Variants in NDST4 observed in about 807,000 individuals in gnomAD.
NDST4 encodes N-deacetylase and N-sulfotransferase 4, also known as N-heparan sulfate sulfotransferase 4.
NDST4 carries 63 observed loss-of-function variants against 100.8 expected under a neutral mutation model. That is an observed-to-expected ratio of 0.62 (90% confidence interval 0.51 to 0.77). The LOEUF is 0.77. Among genes scored for constraint, NDST4 ranks in the 30% least tolerant of loss-of-function variants. The pLI is 0.00. For missense variants in NDST4, 943 were observed against 1,018.4 expected (o/e 0.93, Z 1.01); for synonymous variants, 377 against 361.8 (o/e 1.04, Z -0.48).
intron 1 of NDST4, among the ~76,000 whole-genome samples, chr4:115,095,777 T>A (rs1312106439): frequency 6.6e-6 from 1 of 152,160 alleles, no homozygotes; most frequent in Non-Finnish European, 1.5e-5. Context: ...TCCTCTTAAA[T>A]GTTTCTTCTT....
At chr4:115,005,176 C>T (rs1004916172) in intron 2 of NDST4, among the ~76,000 whole-genome samples, 1 of 152,072 alleles carries the variant, frequency 6.6e-6, no homozygotes, top group Non-Finnish European at 1.5e-5. Flanking sequence ...TGAGTGTTCA[C>T]TTTTTTCCAG....
chr4:115,102,762 T>G (rs13112177), intron 1 of NDST4, among the ~76,000 whole-genome samples: 144,331 of 144,336 alleles, frequency 1, 72,163 homozygotes, highest in Middle Eastern at 1. Flanking sequence ...AGGCTGGAGT[T>G]CAATGGTGCG....
intron 1 of NDST4, among the ~76,000 whole-genome samples, chr4:115,107,624 T>C (rs1729857293): frequency 6.6e-6 from 1 of 152,242 alleles, no homozygotes. Flanking sequence ...CCACCTTGAC[T>C]TATCTTTATA....
At chr4:114,919,187 G>A (rs1222282925) in intron 6 of NDST4, among the ~76,000 whole-genome samples, 1 of 152,034 alleles carries the variant, frequency 6.6e-6, no homozygotes, top group Admixed American at 6.6e-5. Context: ...CTATGCCATC[G>A]GTCTCTTCCC....
At chr4:115,060,923 A>G (rs1332355240) in intron 2 of NDST4, among the ~76,000 whole-genome samples, 1 of 152,010 alleles carries the variant, frequency 6.6e-6, no homozygotes, top group Non-Finnish European at 1.5e-5. Context: ...ATATTTGGGT[A>G]CGTTGAAATA....
At chr4:114,935,483 GT>G in intron 5 of NDST4, 149 bp from the exon 6 acceptor site, 1 of 635,806 alleles carries the variant, frequency 1.6e-6, no homozygotes, top group South Asian at 3.8e-5. Context: ...ACAAGTTGAT[GT>G]TGGTGCAATT....
At chr4:114,937,547 T>G (rs1366476135) in intron 4 of NDST4, 44 bp from the exon 5 acceptor site, 1 of 1,439,370 alleles carries the variant, frequency 6.9e-7, no homozygotes, top group African/African-American at 1.4e-5. Flanking sequence ...CAAGGCCAAT[T>G]AATTCAGTGA....
chr4:115,061,875 A>G (rs1455819446), intron 2 of NDST4, among the ~76,000 whole-genome samples: 1 of 152,086 alleles, frequency 6.6e-6, no homozygotes, highest in Non-Finnish European at 1.5e-5. Flanking sequence ...TGAAATTGTA[A>G]TCTTTAAATA....
chr4:114,963,150 A>T (rs1726301166), intron 4 of NDST4, among the ~76,000 whole-genome samples: 1 of 152,182 alleles, frequency 6.6e-6, no homozygotes, highest in South Asian at 2.1e-4. Context: ...AAGTGGAAAC[A>T]ACCCCAAAAC....
intron 1 of NDST4, among the ~76,000 whole-genome samples, chr4:115,085,194 C>T (rs1439649189): frequency 1.3e-5 from 2 of 152,130 alleles, no homozygotes; most frequent in African/African-American, 2.4e-5. Context: ...GGGCCTGTAG[C>T]CTCTATGTTT....
chr4:114,871,101 T>C (rs1239598971), intron 6 of NDST4, 151 bp from the exon 7 acceptor site: 1 of 531,166 alleles, frequency 1.9e-6, no homozygotes, highest in African/African-American at 2.0e-5. Context: ...TTAATTTTCA[T>C]CTCAAAATAA....
intron 6 of NDST4, among the ~76,000 whole-genome samples, chr4:114,902,878 T>G (rs961103326): frequency 6.6e-6 from 1 of 152,078 alleles, no homozygotes; most frequent in Non-Finnish European, 1.5e-5. Flanking sequence ...GAATTCTTCA[T>G]TTTTGTTACA....
rs926453126 is a variant in NDST4, at chr4:115,020,506, A to G, written c.979-43232T>C. 5.3e-5 allele frequency among the ~76,000 whole-genome samples: 8 copies of G among 152,274 alleles called. No individual in the cohort carries two copies. The South Asian group carries it at 8.3e-4, about 16-fold the overall frequency. ...AGATATTGGTTTAGGCAAGGATTTC[A>G]TGACCAAGAACCCAAAAGCAAATGC... is the stretch of plus-strand genomic sequence containing the variant. On this transcript the variant is annotated intron_variant, in intron 2 of 13. Transcript: ENST00000264363.
chr4:115,024,785 G>C lies in NDST4; in HGVS notation c.979-47511C>G, dbSNP rs139381624. ...GAGAGGGCAGGGGTAGAATGCTACT[G>C]TTAGAATGTCACCTTCAAAATGCGT... is the stretch of plus-strand genomic sequence containing the variant. On this transcript the variant is annotated intron_variant, in intron 2 of 13. Coordinates refer to ENST00000264363, the MANE Select transcript of NDST4 (RefSeq NM_022569.3). Among the ~76,000 whole-genome samples, 517 of 152,254 alleles carry C rather than the reference G, an allele frequency of 3.4e-3. 3 individuals are homozygous for C. Among genetic ancestry groups the C allele is most frequent in the Non-Finnish European group, 4.1e-3 (277 of 68,010 alleles).
In NDST4 at chr4:114,827,782, A is replaced by G. The variant is rs201418018; in HGVS notation, c.*34T>C. ...GATTTATTTTTTTTTTAACACTAAAAGTATCTTGAGAGGCTTAGTTCTTGT... is the reference window on the plus strand; with the variant it reads ...GATTTATTTTTTTTTTAACACTAAAGGTATCTTGAGAGGCTTAGTTCTTGT... On this transcript the variant is annotated 3_prime_UTR_variant, in exon 14 of 14. Coordinates refer to ENST00000264363, the MANE Select transcript of NDST4 (RefSeq NM_022569.3). The G allele has an allele frequency of 2.3e-5, 37 of 1,595,938 alleles. 1 individual carries two copies. The East Asian group carries it at 8.3e-4, about 36-fold the overall frequency.
intron 6 of NDST4, among the ~76,000 whole-genome samples, chr4:114,915,818 A>G (rs1289171162): frequency 6.6e-6 from 1 of 152,038 alleles, no homozygotes; most frequent in Non-Finnish European, 1.5e-5. Flanking sequence ...AACAGAAAAG[A>G]AGAAGGAGGA....
Position 114,935,188 on chromosome 4 carries a change from C to A in NDST4, c.1536+18G>T. On this transcript the variant is annotated intron_variant, in intron 6 of 13. Transcript: ENST00000264363. ...AAAATGCTAATCTTATTGTAAGGTG[C>A]ATACATAGAATACATACTGGGTTTA... 1 of 1,565,010 alleles carries A rather than the reference C, an allele frequency of 6.4e-7. No individual in the cohort carries two copies. Among genetic ancestry groups the A allele is most frequent in the South Asian group, 1.2e-5 (1 of 82,722 alleles).
At chr4:114,866,751 A>C (rs147210110) in intron 7 of NDST4, among the ~76,000 whole-genome samples, 43 of 152,292 alleles carry the variant, frequency 2.8e-4, no homozygotes, top group African/African-American at 9.6e-4. Context: ...GTAAAAAGAG[A>C]AATAAATATG....
chr4:114,929,074 G>GTCCATCCATCCA lies in NDST4; in HGVS notation c.1536+6120_1536+6131dup, dbSNP rs1295994273. Among the ~76,000 whole-genome samples the GTCCATCCATCCA allele has an allele frequency of 7.5e-4, 91 of 120,586 alleles. 1 individual carries two copies. Among genetic ancestry groups the GTCCATCCATCCA allele is most frequent in the East Asian group, 2.5e-3 (9 of 3,608 alleles). 79.1% of individuals were successfully genotyped at this position (120,586 alleles called of 152,430 possible). On this transcript the variant is annotated intron_variant, in intron 6 of 13. Transcript: ENST00000264363. The stretch of plus-strand genomic sequence containing the variant: ...CGTCCGTCCGTCCGTCCGTCCGTCC[G>GTCCATCCATCCA]TCCATCCATCCATCCATCCATCCAT...
Sources: allele counts gnomAD v4.1 joint callset (sites outside exome capture counted in the v4.1 genomes callset), GRCh38; gene constraint gnomAD v4.1.1; transcripts MANE v1.5; gene names NCBI Gene and HGNC (gene_info 2026-07-23, HGNC 2026-07-21).